XPO6: variants seen among roughly 807,000 people sequenced by gnomAD.
The protein encoded by XPO6 is exportin-6.
In XPO6, 3 loss-of-function variants were observed where a neutral mutation model predicts 130.0. The ratio of observed to expected loss-of-function variants is 0.02; its 90% CI spans 0.01 to 0.06. The LOEUF (loss-of-function observed/expected upper bound fraction) is 0.06. XPO6 is among the 10% of genes least tolerant of loss of function. XPO6 has a pLI of 1.00. For missense variants in XPO6, 970 were observed against 1,393.0 expected (o/e 0.70, Z 4.83); for synonymous variants, 524 against 548.9 (o/e 0.95, Z 0.63).
Position 28,098,463 on chromosome 16 carries a change from G to A in XPO6, c.*75C>T, listed in dbSNP as rs956287847. The stretch of plus-strand genomic sequence containing the variant: ...AGGAGTGTGACCAAGGCCCATCTGG[G>A]AGACATCTGTGGTGGAAGGTAGGGC... On this transcript the variant is annotated 3_prime_UTR_variant, in exon 24 of 24. Transcript: ENST00000304658. 1.6e-5 allele frequency: 21 copies of A among 1,341,812 alleles called. No individual in the cohort carries two copies. The highest frequency in any genetic ancestry group is 2.1e-5 in the Non-Finnish European group (20 of 958,548). 83.1% of individuals were successfully genotyped at this position (1,341,812 alleles called of 1,614,324 possible). A position where few individuals can be genotyped will look rare whatever the true frequency, so the allele number is the denominator to read the frequency against.
At chr16:28,117,837 G>A (rs535731798) in intron 14 of XPO6, among the ~76,000 whole-genome samples, 1 of 152,296 alleles carries the variant, frequency 6.6e-6, no homozygotes, top group African/African-American at 2.4e-5. Flanking sequence ...CTAAAGCGTA[G>A]ACAACTACCA....
chr16:28,135,552 T>C (rs1226076691), intron 9 of XPO6, among the ~76,000 whole-genome samples: 1 of 152,010 alleles, frequency 6.6e-6, no homozygotes, highest in Non-Finnish European at 1.5e-5. Context: ...CCTGACAGAC[T>C]GTTTATATAA....
Position 28,208,510 on chromosome 16 carries a change from C to T in XPO6, c.3+2856G>A, listed in dbSNP as rs4788052. On this transcript the variant is annotated intron_variant, in intron 1 of 23. Transcript: ENST00000304658. ...TACAGATGAACCACTGTGTCAGTGACACAAAAAGGACAATCCTATTCACAT... is the reference window on the plus strand; with the variant it reads ...TACAGATGAACCACTGTGTCAGTGATACAAAAAGGACAATCCTATTCACAT... Among the ~76,000 whole-genome samples, 1,204 of 152,234 alleles carry T rather than the reference C, an allele frequency of 7.9e-3. 57 individuals carry two copies. The East Asian group carries it at 0.13, about 16-fold the overall frequency.
At chr16:28,177,788 G>T (rs544493966) in intron 2 of XPO6, among the ~76,000 whole-genome samples, 5 of 152,098 alleles carry the variant, frequency 3.3e-5, no homozygotes, top group Non-Finnish European at 7.4e-5. Flanking sequence ...GGCAGAAAAA[G>T]AAAAGATTAA....
At chr16:28,185,232 C>T (rs2043675368) in intron 1 of XPO6, among the ~76,000 whole-genome samples, 1 of 152,112 alleles carries the variant, frequency 6.6e-6, no homozygotes, top group South Asian at 2.1e-4. Context: ...TAGTGGCCCA[C>T]ATCTATAATT....
At chr16:28,130,600 T>G (rs2042647433) in intron 12 of XPO6, among the ~76,000 whole-genome samples, 1 of 152,176 alleles carries the variant, frequency 6.6e-6, no homozygotes, top group African/African-American at 2.4e-5. Context: ...AAATAAGCAT[T>G]TTTCTGGCCT....
chr16:28,099,275 C>T (rs1170528595), intron 23 of XPO6, among the ~76,000 whole-genome samples: 1 of 152,146 alleles, frequency 6.6e-6, no homozygotes, highest in Non-Finnish European at 1.5e-5. Flanking sequence ...CGCCATCATG[C>T]ACACGGTGAG....
At chr16:28,115,207 C>T (rs1567598679) in intron 15 of XPO6, among the ~76,000 whole-genome samples, 1 of 152,182 alleles carries the variant, frequency 6.6e-6, no homozygotes, top group African/African-American at 2.4e-5. Context: ...GTGAATCCTT[C>T]CCAGAAGGTT....
chr16:28,183,576 A>G (rs1460795272), intron 1 of XPO6: 2 of 152,224 alleles, frequency 1.3e-5, no homozygotes, highest in African/African-American at 2.4e-5. Context: ...AATCATTTCT[A>G]TATCTGTAAC....
intron 15 of XPO6, among the ~76,000 whole-genome samples, chr16:28,113,797 T>A (rs930552876): frequency 6.6e-6 from 1 of 152,198 alleles, no homozygotes; most frequent in Admixed American, 6.5e-5. Flanking sequence ...TATAATTTTT[T>A]ATTTTTTAAG....
At chr16:28,206,514 C>T (rs7206388) in intron 1 of XPO6, among the ~76,000 whole-genome samples, 8,206 of 152,072 alleles carry the variant, frequency 0.054, 569 homozygotes, top group East Asian at 0.17. Context: ...TGCTGCTGCG[C>T]CCCAGCCTGG....
At chr16:28,155,954 T>TC in intron 7 of XPO6, 120 bp downstream of exon 7, 1 of 1,456,080 alleles carries the variant, frequency 6.9e-7, no homozygotes, top group South Asian at 1.5e-5. Context: ...ACCTTTCTGT[T>TC]CCTCACCAGG....
At chr16:28,189,847 G>A (rs1429307504) in intron 1 of XPO6, among the ~76,000 whole-genome samples, 1 of 152,204 alleles carries the variant, frequency 6.6e-6, no homozygotes, top group African/African-American at 2.4e-5. Context: ...TCATTAAAAA[G>A]CACTTTTCTG....
At chr16:28,107,984 G>T (rs2086824195) in intron 17 of XPO6, among the ~76,000 whole-genome samples, 1 of 152,038 alleles carries the variant, frequency 6.6e-6, no homozygotes, top group South Asian at 2.1e-4. Flanking sequence ...CAAGTCCACA[G>T]AAGAAAAAAG....
intron 6 of XPO6, among the ~76,000 whole-genome samples, 164 bp from the exon 7 acceptor site, chr16:28,156,691 C>T (rs556381900): frequency 6.6e-6 from 1 of 152,102 alleles, no homozygotes; most frequent in South Asian, 2.1e-4. Context: ...AAGTTAAACA[C>T]TAATTAGGAA....
At chr16:28,177,425 C>A in intron 2 of XPO6, 93 bp from the exon 3 acceptor site, 1 of 659,348 alleles carries the variant, frequency 1.5e-6, no homozygotes, top group South Asian at 1.9e-5. Flanking sequence ...ACATGTCTCT[C>A]TGCATATAAT....
intron 21 of XPO6, 40 bp downstream of exon 21, chr16:28,104,506 T>C (rs2086728363): frequency 1.9e-6 from 3 of 1,611,598 alleles, no homozygotes; most frequent in South Asian, 2.2e-5. Flanking sequence ...GTGGTCAGGT[T>C]AGAGGAAGTC....
At chr16:28,185,575 T>G (rs1410810971) in intron 1 of XPO6, among the ~76,000 whole-genome samples, 2 of 152,206 alleles carry the variant, frequency 1.3e-5, no homozygotes, top group Non-Finnish European at 2.9e-5. Flanking sequence ...AATCCTCATT[T>G]CTAAAGTCCA....
At chr16:28,154,553 G>C (rs1237465772) in intron 7 of XPO6, 1 of 153,344 alleles carries the variant, frequency 6.5e-6, no homozygotes, top group African/African-American at 2.4e-5. Flanking sequence ...GGGACCCAGA[G>C]CCAGGAAGCA....
Sources: allele counts gnomAD v4.1 joint callset (sites outside exome capture counted in the v4.1 genomes callset), GRCh38; gene constraint gnomAD v4.1.1; transcripts MANE v1.5; gene names NCBI Gene and HGNC (gene_info 2026-07-23, HGNC 2026-07-21).